CNTNAP5: variants seen among roughly 807,000 people sequenced by gnomAD.
CNTNAP5 encodes the protein contactin associated protein family member 5.
A neutral mutation model predicts 150.2 loss-of-function variants in CNTNAP5; 72 were observed. That is an observed-to-expected ratio of 0.48 (90% CI 0.40 to 0.58). CNTNAP5 has a LOEUF of 0.58. CNTNAP5 is among the 20% of genes least tolerant of loss of function. The pLI is 0.00. For missense variants in CNTNAP5, 1,636 were observed against 1,626.2 expected (o/e 1.01, Z -0.10); for synonymous variants, 672 against 619.8 (o/e 1.08, Z -1.25).
intron 13 of CNTNAP5, among the ~76,000 whole-genome samples, chr2:124,697,025 T>C (rs1367516259): frequency 2.0e-5 from 3 of 152,170 alleles, no homozygotes; most frequent in African/African-American, 4.8e-5. Context: ...TTGACTTCAT[T>C]TGAGTCATAC....
chr2:124,896,380 TG>T (rs1357148158), intron 21 of CNTNAP5, among the ~76,000 whole-genome samples: 1 of 151,558 alleles, frequency 6.6e-6, no homozygotes, highest in African/African-American at 2.4e-5. Flanking sequence ...AATATTGGCT[TG>T]ACACTTACTC....
At chr2:124,763,873 T>G in intron 15 of CNTNAP5, 74 bp downstream of exon 15, 1 of 1,601,422 alleles carries the variant, frequency 6.2e-7, no homozygotes, top group Non-Finnish European at 8.5e-7. Context: ...CTTATCCCTT[T>G]TCCCTGCAGT....
chr2:124,329,944 T>C (rs150469180), intron 3 of CNTNAP5, among the ~76,000 whole-genome samples: 277 of 152,304 alleles, frequency 1.8e-3, no homozygotes, highest in African/African-American at 5.9e-3. Flanking sequence ...GTATCTTCAC[T>C]TGGAAATGAA....
chr2:124,453,879 G>T (rs1693049518), intron 6 of CNTNAP5, among the ~76,000 whole-genome samples: 1 of 151,884 alleles, frequency 6.6e-6, no homozygotes, highest in Non-Finnish European at 1.5e-5. Flanking sequence ...ACTGTTAAAA[G>T]GAGCTCTAAA....
At chr2:124,872,986 G>A (rs1402263467) in intron 21 of CNTNAP5, among the ~76,000 whole-genome samples, 1 of 152,064 alleles carries the variant, frequency 6.6e-6, no homozygotes, top group Admixed American at 6.6e-5. Context: ...TTAAGATTGA[G>A]GAGGAATACT....
chr2:124,749,190 C>T (rs905499378), intron 14 of CNTNAP5, among the ~76,000 whole-genome samples: 1 of 152,140 alleles, frequency 6.6e-6, no homozygotes, highest in Non-Finnish European at 1.5e-5. Context: ...TGCTCCCAAT[C>T]GCTTGGATTC....
chr2:124,603,966 A>T (rs969167064), intron 11 of CNTNAP5, among the ~76,000 whole-genome samples: 3 of 152,198 alleles, frequency 2.0e-5, no homozygotes, highest in Admixed American at 2.0e-4. Flanking sequence ...CCAGTCTTTA[A>T]TAAAAGTCTT....
chr2:124,564,733 CCAGT>C lies in CNTNAP5; in HGVS notation c.1756+1414_1756+1417del, dbSNP rs1695975367. On this transcript the variant is annotated intron_variant, in intron 11 of 23. Transcript: ENST00000682447. The stretch of plus-strand genomic sequence containing the variant: ...CACATGAAAAAGTATAGAAAGTTTG[CCAGT>C]CAGAGAAATGTATGCCCAACTACGG... 3.9e-5 allele frequency among the ~76,000 whole-genome samples: 6 copies of C among 152,186 alleles called. No individual in the cohort carries two copies. The South Asian group carries it at 1.2e-3, about 32-fold the overall frequency.
At chr2:124,155,717 C>T (rs921203735) in intron 1 of CNTNAP5, among the ~76,000 whole-genome samples, 2 of 151,960 alleles carry the variant, frequency 1.3e-5, no homozygotes, top group African/African-American at 2.4e-5. Flanking sequence ...GAGGAGAGGG[C>T]GTAGAAAAGG....
At chr2:124,828,361 G>C (rs1299568402) in intron 19 of CNTNAP5, among the ~76,000 whole-genome samples, 1 of 151,974 alleles carries the variant, frequency 6.6e-6, no homozygotes, top group Non-Finnish European at 1.5e-5. Context: ...GGCACCTGTA[G>C]TCCCAGTTAC....
chr2:124,267,629 A>G (rs978364006), intron 3 of CNTNAP5, among the ~76,000 whole-genome samples: 16 of 152,186 alleles, frequency 1.1e-4, no homozygotes, highest in Admixed American at 2.0e-4. Context: ...ACATTTTGAT[A>G]CAAAAATGTA....
rs547215166 is a variant in CNTNAP5 at position 124,869,859 on chromosome 2, T to C, written c.3436+97T>C. On this transcript the variant is annotated intron_variant, in intron 21 of 23. Transcript: ENST00000682447. Reference sequence around the variant, plus strand: ...TGTTTAAGGATTCAGGTCTGGAGCCTTTTGCTCCCATAATATCTGAGATCT... The same window carrying C: ...TGTTTAAGGATTCAGGTCTGGAGCCCTTTGCTCCCATAATATCTGAGATCT... 3.3e-4 allele frequency: 220 copies of C among 663,476 alleles called. No individual in the cohort carries two copies. In the African/African-American group the frequency reaches 3.6e-3, roughly 11 times the overall value. 41.1% of individuals were successfully genotyped at this position (663,476 alleles called of 1,614,324 possible). A position where few individuals can be genotyped will look rare whatever the true frequency, so the allele number is the denominator to read the frequency against.
At chr2:124,612,644 C>T (rs765231192) in intron 12 of CNTNAP5, among the ~76,000 whole-genome samples, 4 of 152,060 alleles carry the variant, frequency 2.6e-5, no homozygotes, top group Admixed American at 6.6e-5. Flanking sequence ...AATTGTGTCC[C>T]GAGTTGATCA....
At chr2:124,287,604 G>A (rs906815876) in intron 3 of CNTNAP5, among the ~76,000 whole-genome samples, 12 of 152,110 alleles carry the variant, frequency 7.9e-5, no homozygotes, top group African/African-American at 2.7e-4. Flanking sequence ...TGCAGCAAAT[G>A]TATCCACAGA....
intron 10 of CNTNAP5, among the ~76,000 whole-genome samples, chr2:124,549,900 C>T (rs1695591883): frequency 6.6e-6 from 1 of 152,194 alleles, no homozygotes; most frequent in Non-Finnish European, 1.5e-5. Context: ...TGCAGGTGTT[C>T]CTGAGCATGG....
At chr2:124,825,203 A>C (rs1311483887) in intron 19 of CNTNAP5, among the ~76,000 whole-genome samples, 1 of 152,210 alleles carries the variant, frequency 6.6e-6, no homozygotes, top group Non-Finnish European at 1.5e-5. Context: ...TATACAAGGC[A>C]TAGTGTATGT....
intron 3 of CNTNAP5, among the ~76,000 whole-genome samples, chr2:124,285,964 C>A (rs1688140475): frequency 6.6e-6 from 1 of 151,916 alleles, no homozygotes; most frequent in South Asian, 2.1e-4. Context: ...ATTTGGGTAC[C>A]CTTTTATTCA....
chr2:124,171,542 G>A (rs970949489), intron 1 of CNTNAP5, among the ~76,000 whole-genome samples: 2 of 152,112 alleles, frequency 1.3e-5, no homozygotes, highest in African/African-American at 2.4e-5. Flanking sequence ...GTCATCCTGC[G>A]AGCTGAAGTC....
intron 1 of CNTNAP5, among the ~76,000 whole-genome samples, chr2:124,216,330 A>G (rs927609123): frequency 2.6e-5 from 4 of 152,174 alleles, no homozygotes; most frequent in African/African-American, 9.6e-5. Context: ...AAGGATTTGC[A>G]TTTTAAAAAT....
Sources: gnomAD v4.1 joint callset for allele counts (sites outside exome capture counted in the v4.1 genomes callset) on GRCh38, gnomAD v4.1.1 for gene constraint, MANE v1.5 for transcripts, NCBI Gene and HGNC (gene_info 2026-07-23, HGNC 2026-07-21) for gene names.